Variants in DOCK1 observed in about 807,000 individuals in gnomAD.
The protein encoded by DOCK1 is dedicator of cytokinesis 1, also known as dedicator of cytokinesis protein 1.
A neutral mutation model predicts 262.7 loss-of-function variants in DOCK1; 138 were observed. That is an observed-to-expected ratio of 0.53 (90% CI 0.46 to 0.61). DOCK1 has a LOEUF of 0.61. DOCK1 is among the 20% of genes least tolerant of loss of function. The pLI, the probability that DOCK1 is intolerant of heterozygous loss-of-function variation, is 0.00. For synonymous variants in DOCK1, 866 were observed against 867.4 expected, an observed-to-expected ratio of 1.00 and a Z score of 0.03; for missense variants, 1,908 against 2,370.7, an observed-to-expected ratio of 0.80 and a Z score of 4.05.
chr10:126,975,900 T>C (rs1476422441), intron 2 of DOCK1, among the ~76,000 whole-genome samples: 1 of 151,926 alleles, frequency 6.6e-6, no homozygotes, highest in Non-Finnish European at 1.5e-5. Context: ...ATGACAGGAG[T>C]AAGCCACCAC....
chr10:127,174,497 C>T (rs767699898), intron 27 of DOCK1, among the ~76,000 whole-genome samples: 70 of 152,136 alleles, frequency 4.6e-4, no homozygotes, highest in Non-Finnish European at 7.3e-4. Context: ...AACTTCAAAA[C>T]ATGAAGTGCA....
chr10:127,099,707 C>A (rs1195882609), intron 23 of DOCK1, among the ~76,000 whole-genome samples: 1 of 152,130 alleles, frequency 6.6e-6, no homozygotes, highest in African/African-American at 2.4e-5. Context: ...CATCTGAAAC[C>A]CTCCCCTATG....
At chr10:127,276,837 A>ATTTCCTAT (rs1289244737) in intron 29 of DOCK1, among the ~76,000 whole-genome samples, 2 of 152,234 alleles carry the variant, frequency 1.3e-5, no homozygotes, top group East Asian at 3.9e-4. Flanking sequence ...TAGAAATCAC[A>ATTTCCTAT]TGGTAAACGT....
intron 25 of DOCK1, among the ~76,000 whole-genome samples, chr10:127,117,355 GCTT>G (rs949009495): frequency 6.6e-6 from 1 of 152,166 alleles, no homozygotes; most frequent in African/African-American, 2.4e-5. Context: ...TGAGGAGGTG[GCTT>G]CTTACAAATC....
Position 126,981,902 on chromosome 10 carries a change from T to C in DOCK1, c.172-16T>C. ...TATTGATAATAAAAGCTACTGTTTT[T>C]TTTTTCCTCCCAAAGGGTATATTTC... is the stretch of plus-strand genomic sequence containing the variant. On this transcript the variant is annotated splice_polypyrimidine_tract_variant and intron_variant, in intron 3 of 51. Transcript: ENST00000623213. The C allele has an allele frequency of 6.2e-7, 1 of 1,603,706 alleles. No homozygotes were observed. Among genetic ancestry groups the C allele is most frequent in the Non-Finnish European group, 8.5e-7 (1 of 1,176,992 alleles).
rs2048158840 is a variant in DOCK1, at chr10:127,100,261, G to A, written c.2446-5970G>A. Among the ~76,000 whole-genome samples the A allele has an allele frequency of 6.6e-6, 1 of 152,202 alleles. No individual in the cohort carries two copies. On this transcript the variant is annotated intron_variant, in intron 23 of 51. Coordinates refer to ENST00000623213, the MANE Select transcript of DOCK1 (RefSeq NM_001290223.2). This position sits in a 1 kb window ranked among gnomAD's most constrained non-coding sequence, Gnocchi z 5.5. ...GCAGCAAAGCCAATGGGAGGCAGTA[G>A]CCGTGCGGCCCAGGTGCTGTTTGTT...
intron 1 of DOCK1, among the ~76,000 whole-genome samples, chr10:126,928,590 G>A (rs36185004): frequency 0.49 from 73,486 of 151,198 alleles, 18,862 homozygotes; most frequent in African/African-American, 0.62. Context: ...TCTGACTTGT[G>A]AACTTGCCCA....
chr10:126,919,743 C>T (rs2032982451), intron 1 of DOCK1, among the ~76,000 whole-genome samples: 2 of 152,206 alleles, frequency 1.3e-5, no homozygotes, highest in Non-Finnish European at 2.9e-5. Context: ...CCCCTCCAGT[C>T]CCCCTGGGGG....
chr10:127,063,929 T>C (rs770185959), intron 23 of DOCK1, among the ~76,000 whole-genome samples: 2 of 152,210 alleles, frequency 1.3e-5, no homozygotes, highest in African/African-American at 2.4e-5. Flanking sequence ...CACGGCGTTT[T>C]ATTAGGCATG....
Position 126,995,915 on chromosome 10 carries a change from A to G in DOCK1, c.474-833A>G, listed in dbSNP as rs973540418. On this transcript the variant is annotated intron_variant, in intron 6 of 51. Transcript: ENST00000623213. This position sits in a 1 kb window ranked among gnomAD's most constrained non-coding sequence, Gnocchi z 5.8. ...GAAGGGGAGACATGCAGGGATCCCTATTGGGGTCAGTGGGGAGTAAAAAGG... is the reference window on the plus strand; with the variant it reads ...GAAGGGGAGACATGCAGGGATCCCTGTTGGGGTCAGTGGGGAGTAAAAAGG... 1.4e-4 allele frequency among the ~76,000 whole-genome samples: 21 copies of G among 152,140 alleles called. No individual in the cohort carries two copies. Among genetic ancestry groups the G allele is most frequent in the African/African-American group, 3.1e-4 (13 of 41,436 alleles).
rs1314718457 is a variant in DOCK1 at position 127,345,873 on chromosome 10, G to A, written c.3224+2127G>A. Among the ~76,000 whole-genome samples, 7 of 152,222 alleles carry A rather than the reference G, an allele frequency of 4.6e-5. No individual in the cohort carries two copies. In the South Asian group the frequency reaches 1.0e-3, roughly 22 times the overall value. ...GGGATGGTGCTTTGTAATTGTTGCT[G>A]TTCTTGTTGATTTGCCTTTGTGCTG... On this transcript the variant is annotated intron_variant, in intron 31 of 51. Coordinates refer to ENST00000623213, the MANE Select transcript of DOCK1 (RefSeq NM_001290223.2).
intron 2 of DOCK1, among the ~76,000 whole-genome samples, chr10:126,974,718 G>T (rs1288319377): frequency 1.3e-5 from 2 of 152,078 alleles, no homozygotes. Flanking sequence ...AGGGTTTGTG[G>T]TGTGACCCCT....
intron 27 of DOCK1, among the ~76,000 whole-genome samples, chr10:127,168,908 GTATT>G (rs1458291248): frequency 9.2e-5 from 14 of 152,188 alleles, no homozygotes; most frequent in African/African-American, 3.4e-4. Context: ...TTGTGATGCA[GTATT>G]TATTCTGTTT....
chr10:127,246,300 A>G (rs978396369), intron 27 of DOCK1, among the ~76,000 whole-genome samples: 1 of 152,186 alleles, frequency 6.6e-6, no homozygotes, highest in African/African-American at 2.4e-5. Context: ...TCTAAGCCTC[A>G]GTTTCACTGC....
intron 13 of DOCK1, 129 bp from the exon 14 acceptor site, chr10:127,023,071 A>G: frequency 8.7e-7 from 1 of 1,147,422 alleles, no homozygotes; most frequent in Non-Finnish European, 1.2e-6. Context: ...TGTTTTGTAG[A>G]AAATATTTCA....
rs180822315 is a variant in DOCK1 at position 127,153,942 on chromosome 10, A to G, written c.2847+26178A>G. 2.6e-5 allele frequency: 41 copies of G among 1,605,794 alleles called. No individual in the cohort carries two copies. The East Asian group carries it at 8.9e-4, about 35-fold the overall frequency. On this transcript the variant is annotated intron_variant, in intron 27 of 51. Transcript: ENST00000623213. ...TGAAAGCCTACAAGATAAGAACAGGAGAGCATTACAAGCGGTGGCTGGGGG... is the reference window on the plus strand; with the variant it reads ...TGAAAGCCTACAAGATAAGAACAGGGGAGCATTACAAGCGGTGGCTGGGGG...
chr10:127,259,794 T>A (rs1160034552), intron 29 of DOCK1, among the ~76,000 whole-genome samples: 1 of 151,624 alleles, frequency 6.6e-6, no homozygotes, highest in Admixed American at 6.6e-5. Flanking sequence ...TCATGATTTT[T>A]TTTTTTTTTT....
At position 127,118,052 on chromosome 10, in the gene DOCK1, G is replaced by A. The variant is rs145900705; in HGVS notation, c.2624-7422G>A. On this transcript the variant is annotated intron_variant, in intron 25 of 51. Coordinates refer to ENST00000623213, the MANE Select transcript of DOCK1 (RefSeq NM_001290223.2). ...TTTATTGTCAGAGCAACCAGGAGGG[G>A]AGTTTGTGCAGGACCACATGGGCCA... Among the ~76,000 whole-genome samples the A allele has an allele frequency of 1.1e-4, 16 of 152,272 alleles. No individual in the cohort carries two copies. In the East Asian group the frequency reaches 2.9e-3, roughly 28 times the overall value.
intron 1 of DOCK1, among the ~76,000 whole-genome samples, chr10:126,956,697 C>G (rs2067697370): frequency 6.6e-6 from 1 of 152,188 alleles, no homozygotes; most frequent in Non-Finnish European, 1.5e-5. Context: ...CCAGGGACCC[C>G]TTTGCTGTCA....
Sources: allele counts gnomAD v4.1 joint callset (sites outside exome capture counted in the v4.1 genomes callset), GRCh38; gene constraint gnomAD v4.1.1; non-coding constraint Gnocchi (gnomAD v3.1); transcripts MANE v1.5; gene names NCBI Gene and HGNC (gene_info 2026-07-23, HGNC 2026-07-21).